The following ACTL6A variants were observed in gnomAD, a reference collection of about 807,000 sequenced individuals.
ACTL6A encodes the protein actin like 6A, also known as actin-like protein 6A.
Under a neutral mutation model 59.2 loss-of-function variants are expected in ACTL6A, and 5 were observed. That is an observed-to-expected ratio of 0.08 (90% CI 0.04 to 0.18). The LOEUF is 0.18. Among genes scored for constraint, ACTL6A ranks in the 10% least tolerant of loss-of-function variants. The pLI, the probability that ACTL6A is intolerant of heterozygous loss-of-function variation, is 1.00. For missense variants in ACTL6A, 285 were observed against 526.9 expected (o/e 0.54, Z 4.49); for synonymous variants, 154 against 171.8 (o/e 0.90, Z 0.81).
intron 1 of ACTL6A, among the ~76,000 whole-genome samples, chr3:179,566,444 A>G (rs944089169): frequency 6.6e-6 from 1 of 152,188 alleles, no homozygotes; most frequent in Non-Finnish European, 1.5e-5. Flanking sequence ...CTAAGAAGGG[A>G]TTCATAATTT....
intron 12 of ACTL6A, 59 bp from the exon 13 acceptor site, chr3:179,586,483 AAAAG>A: frequency 3.9e-6 from 5 of 1,270,360 alleles, no homozygotes; most frequent in Admixed American, 2.8e-5. Flanking sequence ...AAAAAAAAAA[AAAAG>A]AATTTTCTAA....
intron 13 of ACTL6A, 64 bp downstream of exon 13, chr3:179,586,696 CA>C: frequency 7.7e-7 from 1 of 1,304,636 alleles, no homozygotes. Context: ...AGTAAAAATA[CA>C]AAAAATAATT....
rs572346118 is a variant in ACTL6A at position 179,576,913 on chromosome 3, T to C, written c.768T>C (p.Asn256=). Residue 256 remains asparagine (N), a splice_region_variant and synonymous_variant, in exon 8 of 14, where the codon AAT becomes AAC. Coordinates refer to ENST00000429709, the MANE Select transcript of ACTL6A (RefSeq NM_004301.5). ...GGTCTTGGCACAATTATATGTGTAA[T>C]GTAAGTAACCCTCATTCTCTTTACA... is the stretch of plus-strand genomic sequence containing the variant. ...VTRSWHNYMC[N]CVIQDFQASV... 58 of 1,611,432 alleles carry C rather than the reference T, an allele frequency of 3.6e-5. 1 individual carries two copies. The South Asian group carries it at 6.0e-4, about 17-fold the overall frequency.
intron 11 of ACTL6A, among the ~76,000 whole-genome samples, chr3:179,581,662 T>G (rs1365087710): frequency 1.3e-5 from 2 of 152,242 alleles, no homozygotes; most frequent in Non-Finnish European, 2.9e-5. Flanking sequence ...CTACTTTTAT[T>G]TTTCAGGAAG....
chr3:179,568,042 C>T (rs535448288), intron 1 of ACTL6A, among the ~76,000 whole-genome samples: 11 of 151,692 alleles, frequency 7.3e-5, no homozygotes, highest in Admixed American at 2.0e-4. Flanking sequence ...CATGGTGGTG[C>T]GCGTCTGTAG....
chr3:179,586,464 T>C, intron 12 of ACTL6A, 82 bp from the exon 13 acceptor site: 2 of 970,458 alleles, frequency 2.1e-6, no homozygotes. Context: ...CCTGTCTCTA[T>C]TTGAAAAAAA....
At chr3:179,567,291 C>T (rs949969149) in intron 1 of ACTL6A, among the ~76,000 whole-genome samples, 3 of 152,050 alleles carry the variant, frequency 2.0e-5, no homozygotes, top group African/African-American at 4.8e-5. Flanking sequence ...ACTTGAACCC[C>T]GGAGGTGGAG....
intron 4 of ACTL6A, among the ~76,000 whole-genome samples, chr3:179,574,004 G>C (rs1218706770): frequency 6.6e-6 from 1 of 152,110 alleles, no homozygotes; most frequent in Non-Finnish European, 1.5e-5. Flanking sequence ...CCAACTATAA[G>C]TGGGAGAATT....
intron 13 of ACTL6A, among the ~76,000 whole-genome samples, chr3:179,587,262 G>C (rs1718529206): frequency 1.3e-5 from 2 of 151,892 alleles, no homozygotes; most frequent in South Asian, 4.2e-4. Flanking sequence ...TGTATATAAA[G>C]GGGGAGGATG....
chr3:179,574,345 C>G lies in ACTL6A; in HGVS notation c.379-25C>G, dbSNP rs776104686. The G allele has an allele frequency of 5.5e-6, 8 of 1,444,092 alleles. No homozygotes were observed. In the South Asian group the frequency reaches 6.9e-5, roughly 12 times the overall value. 89.5% of individuals were successfully genotyped at this position (1,444,092 alleles called of 1,614,324 possible). ...CAACTTTTTAATTCTTAATAACTTG[C>G]ATTTCTTTTTCCCCTCTTCTCAAGT... On this transcript the variant is annotated intron_variant, in intron 4 of 13. Transcript: ENST00000429709.
intron 4 of ACTL6A, 155 bp from the exon 5 acceptor site, chr3:179,574,215 A>T: frequency 2.3e-6 from 1 of 430,060 alleles, no homozygotes. Context: ...AGGTTTTTTT[A>T]TTTTTATGAG....
At chr3:179,572,665 T>G (rs1338777562) in intron 3 of ACTL6A, among the ~76,000 whole-genome samples, 1 of 151,894 alleles carries the variant, frequency 6.6e-6, no homozygotes, top group African/African-American at 2.4e-5. Context: ...ATTAGTTGGG[T>G]ACGGTGGCGG....
At chr3:179,575,254 G>T (rs1042291543) in intron 5 of ACTL6A, 1 of 393,586 alleles carries the variant, frequency 2.5e-6, no homozygotes, top group African/African-American at 2.1e-5. Flanking sequence ...CTCTGACCTC[G>T]CTGTGTTCTC....
chr3:179,572,982 C>CTTTT (rs71628083), intron 3 of ACTL6A, among the ~76,000 whole-genome samples: 2 of 138,830 alleles, frequency 1.4e-5, no homozygotes, highest in Non-Finnish European at 1.5e-5. Flanking sequence ...ACAATTCTTT[C>CTTTT]TTTTTTTTTT....
intron 8 of ACTL6A, 58 bp downstream of exon 8, chr3:179,576,971 A>G (rs1370822020): frequency 1.4e-6 from 2 of 1,415,422 alleles, no homozygotes; most frequent in Non-Finnish European, 2.0e-6. Flanking sequence ...TGAGTATTAA[A>G]AAAAGTTATA....
chr3:179,579,847 G>A (rs1000840749), intron 8 of ACTL6A, among the ~76,000 whole-genome samples: 1 of 152,154 alleles, frequency 6.6e-6, no homozygotes, highest in Admixed American at 6.5e-5. Flanking sequence ...CAGTGGTGCA[G>A]TTGTAGTTCA....
intron 1 of ACTL6A, among the ~76,000 whole-genome samples, chr3:179,564,885 C>CTTT (rs550795606): frequency 7.7e-6 from 1 of 129,452 alleles, no homozygotes; most frequent in East Asian, 2.2e-4. Context: ...TGGAATATGT[C>CTTT]TTTTTTTTTT....
intron 8 of ACTL6A, among the ~76,000 whole-genome samples, chr3:179,577,220 G>C (rs1375293949): frequency 6.6e-6 from 1 of 152,080 alleles, no homozygotes; most frequent in Non-Finnish European, 1.5e-5. Flanking sequence ...GGTGAGACCT[G>C]GAAGGAATTT....
At position 179,569,909 on chromosome 3, in the gene ACTL6A, A is replaced by C. The variant is rs771037788; in HGVS notation, c.102+9A>C. ...GTGAGGACTGCCCCAAGGTAAGTGT[A>C]ATGTTAGAGTTAATTGGATATGTAA... On this transcript the variant is annotated intron_variant, in intron 2 of 13. Coordinates refer to ENST00000429709, the MANE Select transcript of ACTL6A (RefSeq NM_004301.5). 1 of 1,612,618 alleles carries C rather than the reference A, an allele frequency of 6.2e-7. No homozygotes were observed. The highest frequency in any genetic ancestry group is 1.3e-5 in the African/African-American group (1 of 75,010).
Sources: allele counts gnomAD v4.1 joint callset (sites outside exome capture counted in the v4.1 genomes callset), GRCh38; gene constraint gnomAD v4.1.1; transcripts MANE v1.5; gene names NCBI Gene and HGNC (gene_info 2026-07-23, HGNC 2026-07-21).